Variants in SMIM35 observed in about 807,000 individuals in gnomAD.
The protein encoded by SMIM35 is small integral membrane protein 35.
intron 1 of SMIM35, among the ~76,000 whole-genome samples, chr11:118,079,023 C>T (rs142983292): frequency 2.6e-5 from 4 of 152,210 alleles, no homozygotes; most frequent in African/African-American, 9.6e-5. Flanking sequence ...GACCCTTTGC[C>T]ACCAGGGAAG....
rs1390160906 is a variant in SMIM35 at position 118,025,241 on chromosome 11, T to C, written c.8-9432A>G. ...GCTGCAATGAACATATGAGTGCATGTGACTTTTTGGTAGAACTGCTTATTT... is the reference window on the plus strand; with the variant it reads ...GCTGCAATGAACATATGAGTGCATGCGACTTTTTGGTAGAACTGCTTATTT... On this transcript the variant is annotated intron_variant, in intron 1 of 4. Transcript: ENST00000689828. 2.0e-5 allele frequency: 6 copies of C among 303,124 alleles called. No individual in the cohort carries two copies. The East Asian group carries it at 5.8e-4, about 29-fold the overall frequency. 18.8% of individuals were successfully genotyped at this position (303,124 alleles called of 1,614,324 possible).
intron 1 of SMIM35, among the ~76,000 whole-genome samples, chr11:118,038,481 A>C (rs1296986756): frequency 6.6e-6 from 1 of 152,166 alleles, no homozygotes; most frequent in Admixed American, 6.5e-5. Context: ...CAAGTTTGCC[A>C]TAACTTTTCT....
chr11:118,057,740 A>G (rs971714037), intron 1 of SMIM35, among the ~76,000 whole-genome samples: 4 of 152,178 alleles, frequency 2.6e-5, no homozygotes, highest in African/African-American at 9.7e-5. Context: ...GAGCTGATGA[A>G]ATGAGAGAAA....
chr11:118,016,508 C>G (rs995720891), intron 1 of SMIM35, among the ~76,000 whole-genome samples: 1 of 152,152 alleles, frequency 6.6e-6, no homozygotes, highest in Non-Finnish European at 1.5e-5. Flanking sequence ...GGAAGGCCAG[C>G]CCCACTCCTG....
chr11:118,078,939 G>A (rs76995369), intron 1 of SMIM35, among the ~76,000 whole-genome samples: 12 of 152,228 alleles, frequency 7.9e-5, no homozygotes, highest in Non-Finnish European at 1.5e-4. Context: ...ATGAAGCCCC[G>A]CACAGATGTA....
intron 1 of SMIM35, among the ~76,000 whole-genome samples, chr11:118,060,505 G>A (rs540033488): frequency 6.6e-6 from 1 of 152,336 alleles, no homozygotes; most frequent in South Asian, 2.1e-4. Context: ...CGGCAGCGAG[G>A]GCAGGACAGG....
chr11:118,086,080 G>A (rs988652927), intron 1 of SMIM35, among the ~76,000 whole-genome samples: 2 of 152,254 alleles, frequency 1.3e-5, no homozygotes, highest in African/African-American at 2.4e-5. Flanking sequence ...CAAGGGGCAT[G>A]TACAAATACC....
chr11:118,019,899 T>A (rs2058211865), intron 1 of SMIM35, among the ~76,000 whole-genome samples: 1 of 152,236 alleles, frequency 6.6e-6, no homozygotes, highest in Admixed American at 6.5e-5. Context: ...TCTATTGGTC[T>A]ACGTGTCTGT....
chr11:118,016,747 T>C (rs746512628), intron 1 of SMIM35, among the ~76,000 whole-genome samples: 37 of 152,320 alleles, frequency 2.4e-4, no homozygotes, highest in Non-Finnish European at 3.7e-4. Flanking sequence ...ATAAGACTAA[T>C]ATTAAATACA....
chr11:118,046,370 A>G (rs781246652), intron 1 of SMIM35, among the ~76,000 whole-genome samples: 2 of 152,168 alleles, frequency 1.3e-5, no homozygotes. Flanking sequence ...GTGATCTCCT[A>G]CCAAGCACAC....
At chr11:118,069,183 G>A (rs1486562485) in intron 1 of SMIM35, among the ~76,000 whole-genome samples, 4 of 152,214 alleles carry the variant, frequency 2.6e-5, no homozygotes, top group Non-Finnish European at 4.4e-5. Context: ...GAGGTATCGG[G>A]CCACCCCCTC....
At chr11:118,037,027 G>C (rs1361507982) in intron 1 of SMIM35, among the ~76,000 whole-genome samples, 1 of 152,184 alleles carries the variant, frequency 6.6e-6, no homozygotes, top group Non-Finnish European at 1.5e-5. Flanking sequence ...CATGTTTAAA[G>C]GTGGATGTGG....
chr11:118,068,443 T>A (rs1555076770), intron 1 of SMIM35, among the ~76,000 whole-genome samples: 1 of 152,174 alleles, frequency 6.6e-6, no homozygotes, highest in Non-Finnish European at 1.5e-5. Flanking sequence ...GGACAGCGCC[T>A]TATTCATCTT....
intron 1 of SMIM35, among the ~76,000 whole-genome samples, chr11:118,021,060 C>CTTTTTT: frequency 8.0e-6 from 1 of 125,508 alleles, no homozygotes; most frequent in African/African-American, 3.1e-5. Context: ...TTTTTTTTTA[C>CTTTTTT]TATTTATTAA....
chr11:118,081,650 CCTGCA>C (rs769483505), intron 1 of SMIM35, among the ~76,000 whole-genome samples: 19 of 152,234 alleles, frequency 1.2e-4, no homozygotes, highest in Non-Finnish European at 2.2e-4. Context: ...CACAAAATGT[CCTGCA>C]CATCAGTCTG....
intron 1 of SMIM35, among the ~76,000 whole-genome samples, chr11:118,052,682 G>C (rs1014821914): frequency 4.0e-5 from 6 of 150,770 alleles, no homozygotes; most frequent in African/African-American, 9.8e-5. Context: ...CACATCCCAC[G>C]ACCCCCACCT....
intron 1 of SMIM35, among the ~76,000 whole-genome samples, chr11:118,044,129 A>T (rs1365492169): frequency 1.3e-5 from 2 of 152,134 alleles, no homozygotes; most frequent in African/African-American, 4.8e-5. Context: ...AACTTGAAGA[A>T]GTGCATTGAA....
intron 1 of SMIM35, among the ~76,000 whole-genome samples, chr11:118,058,502 G>T (rs1427252066): frequency 1.3e-5 from 2 of 152,216 alleles, no homozygotes; most frequent in Non-Finnish European, 2.9e-5. Context: ...AAATGACGGG[G>T]CGAGGAATGG....
intron 1 of SMIM35, among the ~76,000 whole-genome samples, chr11:118,019,244 C>A (rs11216689): frequency 0.096 from 14,594 of 152,206 alleles, 974 homozygotes; most frequent in East Asian, 0.37. Flanking sequence ...TTCCTACTTT[C>A]ATAACTAGAA....
Sources: allele counts gnomAD v4.1 joint callset (sites outside exome capture counted in the v4.1 genomes callset), GRCh38; gene constraint gnomAD v4.1.1; transcripts MANE v1.5; gene names NCBI Gene and HGNC (gene_info 2026-07-23, HGNC 2026-07-21).